Variants in PSD observed in about 807,000 individuals in gnomAD.
PSD encodes the protein PH and SEC7 domain-containing protein 1.
In PSD, 32 loss-of-function variants were observed where a neutral mutation model predicts 91.6. The ratio of observed to expected loss-of-function variants is 0.35; its 90% CI spans 0.26 to 0.47. The LOEUF is 0.47. Among genes scored for constraint, PSD ranks in the 20% least tolerant of loss-of-function variants. The pLI is 1.00. For missense variants in PSD, 1,099 were observed against 1,373.9 expected (o/e 0.80, Z 3.16); for synonymous variants, 532 against 569.3 (o/e 0.93, Z 0.93).
chr10:102,412,305 G>A, intron 6 of PSD, 76 bp downstream of exon 6: 1 of 1,607,250 alleles, frequency 6.2e-7, no homozygotes, highest in East Asian at 2.2e-5. Flanking sequence ...CAATGACCAG[G>A]GGACATTAGA....
rs2061294358 is a variant in PSD, at chr10:102,402,814, G to A, written c.*386C>T. 4.1e-6 allele frequency: 1 copy of A among 246,674 alleles called. No individual in the cohort carries two copies. Among genetic ancestry groups the A allele is most frequent in the South Asian group, 1.5e-4 (1 of 6,510 alleles). 15.3% of individuals were successfully genotyped at this position (246,674 alleles called of 1,614,324 possible). A position where few individuals can be genotyped will look rare whatever the true frequency, so the allele number is the denominator to read the frequency against. On this transcript the variant is annotated 3_prime_UTR_variant, in exon 17 of 17. Coordinates refer to ENST00000020673, the MANE Select transcript of PSD (RefSeq NM_002779.5). ...GGAAACCAGCTCAGCCCCAAATCCT[G>A]GTCTCTGTCCAAGCCAGGCCCCAGG...
At chr10:102,415,315 C>T in intron 3 of PSD, 86 bp from the exon 4 acceptor site, 2 of 1,433,646 alleles carry the variant, frequency 1.4e-6, no homozygotes, top group East Asian at 2.4e-5. Context: ...TGCCCACTGC[C>T]TCATATTGAC....
At position 102,405,505 on chromosome 10, in the gene PSD, C is replaced by G; in HGVS notation, c.2167G>C (p.Glu723Gln). ...ACCTTGGGGTTGGGGTCGGCCAACT[C>G]AGACAGAGAGCGTCTCAGCTCCTCC... ...DEEELRRSLS[E>Q]LADPNPKVIK... is the part of the protein sequence containing the mutation. Residue 723 changes from glutamate to glutamine, a missense_variant, in exon 12 of 17, where the codon GAG becomes CAG. Glu to Gln is a conservative substitution (Grantham distance 29). Coordinates refer to ENST00000020673, the MANE Select transcript of PSD (RefSeq NM_002779.5). This position sits in a 1 kb window ranked among gnomAD's most constrained non-coding sequence, Gnocchi z 5.4. The G allele has an allele frequency of 6.2e-7, 1 of 1,613,886 alleles. No individual in the cohort carries two copies. Among genetic ancestry groups the G allele is most frequent in the South Asian group, 1.1e-5 (1 of 91,072 alleles).
rs758556837 is a variant in PSD, at chr10:102,405,383, C to T, written c.2289G>A (p.Leu763=). The T allele has an allele frequency of 1.9e-6, 3 of 1,613,610 alleles. No homozygotes were observed. Among genetic ancestry groups the T allele is most frequent in the Middle Eastern group, 1.6e-4 (1 of 6,062 alleles). The change falls in exon 12 of 17, where the codon CTG becomes CTA. Residue 763 remains leucine (L), a synonymous_variant. Coordinates refer to ENST00000020673, the MANE Select transcript of PSD (RefSeq NM_002779.5). This position sits in a 1 kb window ranked among gnomAD's most constrained non-coding sequence, Gnocchi z 5.4. ...PGAAVYKHGA[L]VRKVHADPDC... is the part of the protein sequence containing the mutation. ...CAGGGTCTGCGTGCACCTTTCGCAC[C>T]AGGGCCCCGTGCTTGTAGACGGCAG...
upstream of PSD, chr10:102,419,314 A>T (rs1343431254): frequency 6.5e-6 from 1 of 153,214 alleles, no homozygotes; most frequent in East Asian, 1.9e-4. The surrounding 1 kb of genome is among the most constrained non-coding windows in gnomAD (Gnocchi z 4.8). Flanking sequence ...AGGAGATCCA[A>T]CCCTGACCAC....
In PSD at chr10:102,416,958, G is replaced by A. The variant is rs534236516; in HGVS notation, c.81C>T (p.Pro27=). The change falls in exon 2 of 17, where the codon CCC becomes CCT. Residue 27 remains proline, a synonymous_variant. Transcript: ENST00000020673. The surrounding 1 kb of genome is among the most constrained non-coding windows in gnomAD (Gnocchi z 6.0). ...SPPRCPRRWL[P]EGPVPQSPPA... is the part of the protein sequence containing the mutation. ...GGGGGCTCTGGGGCACCGGGCCTTC[G>A]GGGAGCCAGCGGCGTGGGCATCGTG... The A allele has an allele frequency of 1.9e-5, 31 of 1,602,554 alleles. No homozygotes were observed. The highest frequency in any genetic ancestry group is 4.0e-5 in the African/African-American group (3 of 74,936).
intron 7 of PSD, 26 bp downstream of exon 7, chr10:102,412,121 C>T: frequency 6.2e-7 from 1 of 1,606,938 alleles, no homozygotes; most frequent in Non-Finnish European, 8.5e-7. Flanking sequence ...AGAGTGGGGG[C>T]TGTCCTCCAA....
rs761642956 is a variant in PSD, at chr10:102,415,033, C to T, written c.954G>A (p.Gln318=). The T allele has an allele frequency of 6.2e-6, 10 of 1,613,588 alleles. No individual in the cohort carries two copies. The South Asian group carries it at 9.9e-5, about 16-fold the overall frequency. ...TGCCTGGTGGGCCCTCAGAGCTGGG[C>T]TGACTTTCGATGGCCGAGTCGGCCT... ...REEADSAIES[Q]PSSEGPPGTA... is the part of the protein sequence containing the mutation. Residue 318 remains glutamine, a synonymous_variant, in exon 4 of 17, where the codon CAG becomes CAA. Transcript: ENST00000020673.
Position 102,410,218 on chromosome 10 carries a change from A to C in PSD, c.2091+640T>G, listed in dbSNP as rs2061411016. 6.6e-6 allele frequency among the ~76,000 whole-genome samples: 1 copy of C among 152,046 alleles called. No homozygotes were observed. Among genetic ancestry groups the C allele is most frequent in the Non-Finnish European group, 1.5e-5 (1 of 67,988 alleles). On this transcript the variant is annotated intron_variant, in intron 10 of 16. Coordinates refer to ENST00000020673, the MANE Select transcript of PSD (RefSeq NM_002779.5). This position sits in a 1 kb window ranked among gnomAD's most constrained non-coding sequence, Gnocchi z 6.0. ...CCAGATCAGGGAGAGGAGTGAACCC[A>C]CTGGATGAGCCACTCCCTTCTCCTA... is the stretch of plus-strand genomic sequence containing the variant.
Position 102,405,796 on chromosome 10 carries a change from A to G in PSD, c.2136-260T>C. 1 of 484,052 alleles carries G rather than the reference A, an allele frequency of 2.1e-6. No individual in the cohort carries two copies. The allele number at this position is 484,052 out of a possible 1,614,324, so 30.0% of individuals were successfully genotyped here. On this transcript the variant is annotated intron_variant, in intron 11 of 16. Coordinates refer to ENST00000020673, the MANE Select transcript of PSD (RefSeq NM_002779.5). The surrounding 1 kb of genome is among the most constrained non-coding windows in gnomAD (Gnocchi z 5.4). ...CCTCCCAGCAAGTAGGGCCAGCACT[A>G]TCCTCTCCATTGCTGCACACCTGCA...
Position 102,416,624 on chromosome 10 carries a change from G to T in PSD, c.415C>A (p.Pro139Thr). The T allele has an allele frequency of 6.2e-7, 1 of 1,605,732 alleles. No homozygotes were observed. ...CGGTTGGAGCCAGGCCCAAGGGCTG[G>T]GGTGGGCCTGGGAGGAGAAACCCCA... The part of the protein sequence containing the change: ...LGGVSPPRPT[P>T]ALGPGSNRKL... The change falls in exon 2 of 17, where the codon CCA (proline) becomes ACA (threonine). Residue 139 changes from proline (P) to threonine (T), a missense_variant. Pro to Thr is a conservative substitution (Grantham distance 38). Around this residue, in one of 3 missense-constraint regions of PSD, gnomAD observed 631 missense variants for 728.8 expected, o/e 0.87. Coordinates refer to ENST00000020673, the MANE Select transcript of PSD (RefSeq NM_002779.5). This position sits in a 1 kb window ranked among gnomAD's most constrained non-coding sequence, Gnocchi z 6.0.
In PSD at chr10:102,410,241, C is replaced by T. The variant is rs2061411545; in HGVS notation, c.2091+617G>A. The stretch of plus-strand genomic sequence containing the variant: ...CCACTGGATGAGCCACTCCCTTCTC[C>T]TACCGGCACCAGCCCCTACGTATCT... On this transcript the variant is annotated intron_variant, in intron 10 of 16. Transcript: ENST00000020673. The surrounding 1 kb of genome is among the most constrained non-coding windows in gnomAD (Gnocchi z 6.0). Among the ~76,000 whole-genome samples the T allele has an allele frequency of 6.6e-6, 1 of 150,950 alleles. No homozygotes were observed. The highest frequency in any genetic ancestry group is 2.5e-5 in the African/African-American group (1 of 40,368).
Position 102,405,268 on chromosome 10 carries a change from G to A in PSD, c.2327-15C>T. ...GCCCCGAGGTGCTGCGGGGAGAGAA[G>A]ACAGGTCAGGGGGCCCTGGAACAGG... On this transcript the variant is annotated splice_polypyrimidine_tract_variant and intron_variant, in intron 12 of 16. Transcript: ENST00000020673. The surrounding 1 kb of genome is among the most constrained non-coding windows in gnomAD (Gnocchi z 5.4). The A allele has an allele frequency of 6.2e-7, 1 of 1,610,304 alleles. No individual in the cohort carries two copies. Among genetic ancestry groups the A allele is most frequent in the Non-Finnish European group, 8.5e-7 (1 of 1,179,870 alleles).
chr10:102,414,586 C>T lies in PSD; in HGVS notation c.1124+277G>A, dbSNP rs1314633872. On this transcript the variant is annotated intron_variant, in intron 4 of 16. Transcript: ENST00000020673. This position sits in a 1 kb window ranked among gnomAD's most constrained non-coding sequence, Gnocchi z 5.6. ...CCACTCTCCCACCAGGATCCAGGAT[C>T]CAGACTCATGCTCCTGTGTTCCTGG... is the stretch of plus-strand genomic sequence containing the variant. Among the ~76,000 whole-genome samples the T allele has an allele frequency of 4.6e-5, 7 of 152,214 alleles. No individual in the cohort carries two copies. The highest frequency in any genetic ancestry group is 4.6e-4 in the Admixed American group (7 of 15,278).
upstream of PSD, chr10:102,418,828 A>G (rs1281348755): frequency 1.1e-5 from 2 of 182,648 alleles, no homozygotes; most frequent in Non-Finnish European, 2.2e-5. Flanking sequence ...CCTACCCCCT[A>G]CGCGCCGCTC....
Position 102,411,063 on chromosome 10 carries a change from C to G in PSD, c.1996G>C (p.Gly666Arg). 1 of 1,613,040 alleles carries G rather than the reference C, an allele frequency of 6.2e-7. No individual in the cohort carries two copies. The highest frequency in any genetic ancestry group is 1.3e-5 in the African/African-American group (1 of 75,016). ...GCCCGCCCGCCTCCACTCACATGGC[C>G]GTGGAGATCCGTGTTGAGCAGCATG... ...ALMLLNTDLHGHNIGKRMTCG... is the reference protein window; with the variant it reads ...ALMLLNTDLHRHNIGKRMTCG... The change falls in exon 9 of 17, where the codon GGC becomes CGC. Residue 666 changes from glycine to arginine, a missense_variant. By Grantham distance (125) the Gly-to-Arg change is moderately radical. Transcript: ENST00000020673.
Position 102,414,772 on chromosome 10 carries a change from C to T in PSD, c.1124+91G>A. On this transcript the variant is annotated intron_variant, in intron 4 of 16. Coordinates refer to ENST00000020673, the MANE Select transcript of PSD (RefSeq NM_002779.5). This position sits in a 1 kb window ranked among gnomAD's most constrained non-coding sequence, Gnocchi z 5.6. ...GCCAGCCCCACACCCATCTCTATCC[C>T]AGGCCCTTTGAGCCCGGCTCTGCCT... The T allele has an allele frequency of 6.9e-7, 1 of 1,454,620 alleles. No homozygotes were observed. Among genetic ancestry groups the T allele is most frequent in the Non-Finnish European group, 9.1e-7 (1 of 1,101,448 alleles). 90.1% of individuals were successfully genotyped at this position (1,454,620 alleles called of 1,614,324 possible). A position where few individuals can be genotyped will look rare whatever the true frequency, so the allele number is the denominator to read the frequency against.
In PSD at chr10:102,414,892, G is replaced by A. The variant is rs770222946; in HGVS notation, c.1095C>T (p.Asp365=). The A allele has an allele frequency of 1.0e-5, 15 of 1,501,992 alleles. No individual in the cohort carries two copies. In the South Asian group the frequency reaches 1.3e-4, roughly 13 times the overall value. 93.0% of individuals were successfully genotyped at this position (1,501,992 alleles called of 1,614,324 possible). A position where few individuals can be genotyped will look rare whatever the true frequency, so the allele number is the denominator to read the frequency against. The change falls in exon 4 of 17, where the codon GAC becomes GAT. Residue 365 remains aspartate, a synonymous_variant. Coordinates refer to ENST00000020673, the MANE Select transcript of PSD (RefSeq NM_002779.5). This position sits in a 1 kb window ranked among gnomAD's most constrained non-coding sequence, Gnocchi z 5.6. ...CCCCTTCAGAGGCCTCAAACACCTC[G>A]TCGTCCACATCTTCTTCCCCACCTG... is the stretch of plus-strand genomic sequence containing the variant. The part of the protein sequence containing the change: ...DEAGGEEDVD[D]EVFEASEGAR...
rs35527887 is a variant in PSD, at chr10:102,404,347, C to CA, written c.2700+235dup. On this transcript the variant is annotated intron_variant, in intron 15 of 16. Transcript: ENST00000020673. This position sits in a 1 kb window ranked among gnomAD's most constrained non-coding sequence, Gnocchi z 5.7. ...TGGGCAACAGAGCGAGACTCCATCTCAAAAAAAAAAAAAAAAAAGATGCCC... is the reference window on the plus strand; with the variant it reads ...TGGGCAACAGAGCGAGACTCCATCTCAAAAAAAAAAAAAAAAAAAGATGCCC... Among the ~76,000 whole-genome samples the CA allele has an allele frequency of 0.41, 42,158 of 102,640 alleles. 7,169 individuals are homozygous for CA. Among genetic ancestry groups the CA allele is most frequent in the Middle Eastern group, 0.56 (113 of 202 alleles). The allele number at this position is 102,640 out of a possible 152,430, so 67.3% of individuals were successfully genotyped here.
Sources: gnomAD v4.1 joint callset for allele counts (sites outside exome capture counted in the v4.1 genomes callset) on GRCh38, gnomAD v4.1.1 for gene constraint, gnomAD v4.1.1 regional missense constraint, Gnocchi (gnomAD v3.1) non-coding constraint, MANE v1.5 for transcripts, NCBI Gene and HGNC (gene_info 2026-07-23, HGNC 2026-07-21) for gene names.